The following ATP6V1B1 variants were observed in gnomAD, a reference collection of about 807,000 sequenced individuals.
ATP6V1B1 encodes the protein ATPase H+ transporting V1 subunit B1, also known as V-type proton ATPase subunit B, kidney isoform.
In ATP6V1B1, 41 loss-of-function variants were observed where a neutral mutation model predicts 62.1. The ratio of observed to expected loss-of-function variants is 0.66; its 90% CI spans 0.51 to 0.86. The LOEUF is 0.86. Among genes scored for constraint, ATP6V1B1 ranks in the 40% least tolerant of loss-of-function variants. The pLI is 0.00. For missense variants in ATP6V1B1, 651 were observed against 697.5 expected, an observed-to-expected ratio of 0.93 and a Z score of 0.75; for synonymous variants, 253 against 273.4, an observed-to-expected ratio of 0.93 and a Z score of 0.74.
intron 2 of ATP6V1B1, among the ~76,000 whole-genome samples, chr2:70,950,447 T>A (rs868962000): frequency 6.6e-5 from 10 of 152,258 alleles, no homozygotes; most frequent in Middle Eastern, 3.4e-3. Flanking sequence ...AAGACAATAA[T>A]GTTCTTCATT....
At chr2:70,950,320 G>A (rs1680292098) in intron 2 of ATP6V1B1, among the ~76,000 whole-genome samples, 1 of 152,072 alleles carries the variant, frequency 6.6e-6, no homozygotes, top group South Asian at 2.1e-4. Flanking sequence ...AGACATTTAT[G>A]TGAACTTTAA....
intron 2 of ATP6V1B1, among the ~76,000 whole-genome samples, chr2:70,951,386 T>A (rs573799007): frequency 3.3e-5 from 5 of 152,178 alleles, no homozygotes; most frequent in Non-Finnish European, 7.4e-5. Flanking sequence ...ACCATCCACA[T>A]TCCAATTTAT....
intron 2 of ATP6V1B1, chr2:70,944,323 G>A: frequency 1.0e-6 from 1 of 970,364 alleles, no homozygotes; most frequent in East Asian, 6.2e-5. Context: ...CTTGAGTCCT[G>A]GGGTTGGGAA....
At chr2:70,944,283 C>G (rs1680090871) in intron 2 of ATP6V1B1, 1 of 1,226,270 alleles carries the variant, frequency 8.2e-7, no homozygotes, top group South Asian at 1.3e-5. Flanking sequence ...ATTTTGTAGC[C>G]CCTGGGAAAC....
intron 8 of ATP6V1B1, among the ~76,000 whole-genome samples, chr2:70,962,306 G>A (rs1553420223): frequency 6.6e-6 from 1 of 152,198 alleles, no homozygotes; most frequent in African/African-American, 2.4e-5. Context: ...AAGGGACAGT[G>A]AGAGGAGCAG....
Position 70,943,652 on chromosome 2 carries a change from C to T in ATP6V1B1, c.119-6C>T. On this transcript the variant is annotated splice_polypyrimidine_tract_variant and splice_region_variant and intron_variant, in intron 1 of 13. Coordinates refer to ENST00000234396, the MANE Select transcript of ATP6V1B1 (RefSeq NM_001692.4). The stretch of plus-strand genomic sequence containing the variant: ...AGACCCCTACTCACCCCCGCCCCTC[C>T]CCCAGCCTACAGGACTGTGTGCAGC... 6.2e-7 allele frequency: 1 copy of T among 1,613,768 alleles called. No individual in the cohort carries two copies. Among genetic ancestry groups the T allele is most frequent in the South Asian group, 1.1e-5 (1 of 91,074 alleles).
chr2:70,957,448 A>G (rs1484696000), intron 2 of ATP6V1B1, among the ~76,000 whole-genome samples: 1 of 152,038 alleles, frequency 6.6e-6, no homozygotes, highest in Non-Finnish European at 1.5e-5. Flanking sequence ...AAAATCCTTG[A>G]TCCCTGGAAG....
At chr2:70,952,376 T>C (rs1486976278) in intron 2 of ATP6V1B1, among the ~76,000 whole-genome samples, 2 of 151,974 alleles carry the variant, frequency 1.3e-5, no homozygotes, top group African/African-American at 4.8e-5. Context: ...AGAAGGAGAA[T>C]TGCTTGATCC....
intron 1 of ATP6V1B1, among the ~76,000 whole-genome samples, chr2:70,936,567 G>A (rs974215217): frequency 2.6e-5 from 4 of 152,136 alleles, no homozygotes; most frequent in East Asian, 3.9e-4. Flanking sequence ...GGTGCATGTC[G>A]TATGTGTGTT....
rs1680571285 is a variant in ATP6V1B1, at chr2:70,960,998, CGCCATCGTCTTTGCA to C, written c.669_683del (p.Ile223_Ala227del). 6.3e-7 allele frequency: 1 copy of C among 1,597,740 alleles called. No individual in the cohort carries two copies. The highest frequency in any genetic ancestry group is 2.3e-5 in the East Asian group (1 of 43,970). ...TGCTGGATTACCATGACGACAACTT[CGCCATCGTCTTTGCA>C]GCCATGGGGGTGAGGAGACTTAGTA... On this transcript the variant is annotated inframe_deletion, in exon 7 of 14. Coordinates refer to ENST00000234396, the MANE Select transcript of ATP6V1B1 (RefSeq NM_001692.4).
Position 70,965,010 on chromosome 2 carries a change from G to A in ATP6V1B1, c.1431G>A (p.Leu477=), listed in dbSNP as rs782585535. The A allele has an allele frequency of 1.7e-5, 27 of 1,613,742 alleles. No individual in the cohort carries two copies. The highest frequency in any genetic ancestry group is 2.1e-5 in the Non-Finnish European group (25 of 1,180,040). Residue 477 remains leucine (L), a synonymous_variant, in exon 14 of 14, where the codon CTG becomes CTA. Coordinates refer to ENST00000234396, the MANE Select transcript of ATP6V1B1 (RefSeq NM_001692.4). ...VFESLDLGWK[L]LRIFPKEMLK... ...AGTCGCTGGACCTGGGCTGGAAGCT[G>A]CTGCGCATCTTCCCCAAGGAGATGC...
chr2:70,960,849 G>A, intron 6 of ATP6V1B1, 72 bp from the exon 7 acceptor site: 1 of 1,364,180 alleles, frequency 7.3e-7, no homozygotes, highest in Non-Finnish European at 1.0e-6. Flanking sequence ...AAGGCCATGA[G>A]CCAGTGGTGC....
chr2:70,964,749 C>A lies in ATP6V1B1; in HGVS notation c.1262C>A (p.Ala421Asp). Reference sequence around the variant, plus strand: ...CCCCTCCCCCAGTACGCCTGCTATGCCATCGGGAAGGACGTGCAGGCCATG... The same window carrying A: ...CCCCTCCCCCAGTACGCCTGCTATGACATCGGGAAGGACGTGCAGGCCATG... ...DVSNQLYACY[A>D]IGKDVQAMKA... Residue 421 changes from alanine to aspartate, a missense_variant, in exon 13 of 14, where the codon GCC (alanine) becomes GAC (aspartate). Coordinates refer to ENST00000234396, the MANE Select transcript of ATP6V1B1 (RefSeq NM_001692.4). The A allele has an allele frequency of 6.2e-7, 1 of 1,613,950 alleles. No individual in the cohort carries two copies. Among genetic ancestry groups the A allele is most frequent in the Non-Finnish European group, 8.5e-7 (1 of 1,180,034 alleles).
Position 70,958,161 on chromosome 2 carries a change from G to A in ATP6V1B1, c.273+17G>A. The A allele has an allele frequency of 6.2e-7, 1 of 1,611,776 alleles. No individual in the cohort carries two copies. Among genetic ancestry groups the A allele is most frequent in the Non-Finnish European group, 8.5e-7 (1 of 1,178,330 alleles). ...ATTGTTCAGGTGAGTGGGGTCAATG[G>A]GACATTGGCTAGTTAAATCAATGAA... On this transcript the variant is annotated intron_variant, in intron 3 of 13. Coordinates refer to ENST00000234396, the MANE Select transcript of ATP6V1B1 (RefSeq NM_001692.4).
chr2:70,961,366 A>G (rs1680583394), intron 7 of ATP6V1B1, among the ~76,000 whole-genome samples: 1 of 152,154 alleles, frequency 6.6e-6, no homozygotes, highest in Admixed American at 6.5e-5. Context: ...CTGGACTTAA[A>G]GAAGTCTCAG....
At chr2:70,952,680 A>T (rs1553418498) in intron 2 of ATP6V1B1, among the ~76,000 whole-genome samples, 1 of 152,174 alleles carries the variant, frequency 6.6e-6, no homozygotes, top group Non-Finnish European at 1.5e-5. Flanking sequence ...TGTTTATTTA[A>T]TGCACTGCTT....
Position 70,963,328 on chromosome 2 carries a change from C to T in ATP6V1B1, c.1060+16C>T, listed in dbSNP as rs1553420460. On this transcript the variant is annotated intron_variant, in intron 10 of 13. Transcript: ENST00000234396. The surrounding 1 kb of genome is among the most constrained non-coding windows in gnomAD (Gnocchi z 4.3). The stretch of plus-strand genomic sequence containing the variant: ...CCCAACGACGGTAGCCTCCTCACAG[C>T]CCACTACCCTCCAGAGCTCCCCTGT... 1 of 1,612,592 alleles carries T rather than the reference C, an allele frequency of 6.2e-7. No individual in the cohort carries two copies. Among genetic ancestry groups the T allele is most frequent in the Non-Finnish European group, 8.5e-7 (1 of 1,180,032 alleles).
intron 6 of ATP6V1B1, 124 bp from the exon 7 acceptor site, chr2:70,960,797 G>A (rs1427639945): frequency 2.2e-5 from 11 of 502,416 alleles, no homozygotes; most frequent in African/African-American, 6.8e-5. Flanking sequence ...CTAGCACCTG[G>A]GGCAGCCCCC....
chr2:70,942,993 G>A (rs551189455), intron 1 of ATP6V1B1, among the ~76,000 whole-genome samples: 71 of 152,310 alleles, frequency 4.7e-4, no homozygotes, highest in Middle Eastern at 3.4e-3. Context: ...CCCTATGCAA[G>A]CTGAGCTCAT....
Sources: allele counts gnomAD v4.1 joint callset (sites outside exome capture counted in the v4.1 genomes callset), GRCh38; gene constraint gnomAD v4.1.1; non-coding constraint Gnocchi (gnomAD v3.1); transcripts MANE v1.5; gene names NCBI Gene and HGNC (gene_info 2026-07-23, HGNC 2026-07-21).